DTWD2: variants seen among roughly 807,000 people sequenced by gnomAD.
DTWD2 encodes DTW motif tRNA-uridine aminocarboxypropyltransferase 2, also known as tRNA-uridine aminocarboxypropyltransferase 2.
A neutral mutation model predicts 31.8 loss-of-function variants in DTWD2; 39 were observed. That is an observed-to-expected ratio of 1.22 (90% confidence interval 0.95 to 1.60). The LOEUF is 1.60. DTWD2 is among the 40% of genes most tolerant of loss of function. The probability of loss-of-function intolerance (pLI) is 0.00; values close to 1 mark genes in which losing one functional copy is unlikely to be tolerated. For synonymous variants in DTWD2, 180 were observed against 142.8 expected (o/e 1.26, Z -1.86); for missense variants, 515 against 381.5 (o/e 1.35, Z -2.92).
At chr5:118,982,686 C>CTTTTTT (rs56102830) in intron 1 of DTWD2, among the ~76,000 whole-genome samples, 23 of 121,134 alleles carry the variant, frequency 1.9e-4, no homozygotes, top group South Asian at 2.7e-4. Context: ...AGTTTGTTTT[C>CTTTTTT]TTTTTTTTTT....
intron 4 of DTWD2, among the ~76,000 whole-genome samples, chr5:118,856,834 G>A (rs1019208836): frequency 1.1e-4 from 15 of 134,262 alleles, no homozygotes; most frequent in African/African-American, 3.9e-4. Flanking sequence ...GTACAATGGC[G>A]CAATCTCAGC....
At chr5:118,934,658 T>C (rs1753997908) in intron 3 of DTWD2, among the ~76,000 whole-genome samples, 3 of 151,780 alleles carry the variant, frequency 2.0e-5, no homozygotes. Context: ...GAACAAAAGA[T>C]CAAATAACTG....
At chr5:118,955,629 A>T (rs907275960) in intron 1 of DTWD2, among the ~76,000 whole-genome samples, 1 of 152,184 alleles carries the variant, frequency 6.6e-6, no homozygotes, top group South Asian at 2.1e-4. Flanking sequence ...TCACTGTGCC[A>T]GAAATAATTT....
At chr5:118,985,132 C>G (rs1177697457) in intron 1 of DTWD2, among the ~76,000 whole-genome samples, 1 of 151,982 alleles carries the variant, frequency 6.6e-6, no homozygotes. Flanking sequence ...TCTCACCACT[C>G]CCTCCCTTCT....
chr5:118,852,317 G>C (rs1752028653), intron 4 of DTWD2, among the ~76,000 whole-genome samples: 1 of 152,164 alleles, frequency 6.6e-6, no homozygotes, highest in African/African-American at 2.4e-5. Flanking sequence ...ACAGAGTCCT[G>C]ACGTGATGTA....
At chr5:118,869,004 T>G (rs965201722) in intron 4 of DTWD2, among the ~76,000 whole-genome samples, 1 of 151,870 alleles carries the variant, frequency 6.6e-6, no homozygotes, top group Non-Finnish European at 1.5e-5. Context: ...GAGTCAAAGT[T>G]ATAGAGAAAG....
At chr5:118,916,679 A>AG (rs1294321792) in intron 4 of DTWD2, among the ~76,000 whole-genome samples, 1 of 152,028 alleles carries the variant, frequency 6.6e-6, no homozygotes, top group East Asian at 1.9e-4. Context: ...AAAAAAAAAA[A>AG]AAGACATTAA....
At chr5:118,984,555 C>T (rs181046714) in intron 1 of DTWD2, among the ~76,000 whole-genome samples, 2 of 151,912 alleles carry the variant, frequency 1.3e-5, no homozygotes, top group East Asian at 3.9e-4. Flanking sequence ...ATGTGCCTGG[C>T]AGATGGCTGG....
chr5:118,859,234 C>T (rs1220561622), intron 4 of DTWD2, among the ~76,000 whole-genome samples: 1 of 151,276 alleles, frequency 6.6e-6, no homozygotes, highest in Non-Finnish European at 1.5e-5. Flanking sequence ...CTTCAAGTAC[C>T]TGGTAACACT....
chr5:118,901,715 A>C (rs149969921), intron 4 of DTWD2, among the ~76,000 whole-genome samples: 36 of 152,330 alleles, frequency 2.4e-4, no homozygotes, highest in African/African-American at 8.2e-4. Flanking sequence ...CTAACTATCC[A>C]TAAAGTAGAT....
At chr5:118,947,993 T>A (rs1174879279) in intron 1 of DTWD2, among the ~76,000 whole-genome samples, 1 of 152,210 alleles carries the variant, frequency 6.6e-6, no homozygotes, top group Non-Finnish European at 1.5e-5. Context: ...CATAACACAT[T>A]TGATGAATGA....
intron 3 of DTWD2, among the ~76,000 whole-genome samples, chr5:118,934,006 T>A (rs1345128587): frequency 6.6e-6 from 1 of 150,564 alleles, no homozygotes; most frequent in African/African-American, 2.4e-5. Flanking sequence ...CTTTCCCACA[T>A]ACTAGCAACA....
intron 1 of DTWD2, among the ~76,000 whole-genome samples, chr5:118,967,605 T>G (rs1041244006): frequency 1.3e-5 from 2 of 151,994 alleles, no homozygotes; most frequent in African/African-American, 4.8e-5. Flanking sequence ...AGGGAACAAT[T>G]TGAGCAATAA....
chr5:118,839,756 A>G lies in DTWD2; in HGVS notation c.*1161T>C, dbSNP rs1172946782. Reference sequence around the variant, plus strand: ...TTTCTGCATAGTTTCCCCAAATATTAGCATTCTAATTGTGACCAGCATTAT... The same window carrying G: ...TTTCTGCATAGTTTCCCCAAATATTGGCATTCTAATTGTGACCAGCATTAT... On this transcript the variant is annotated 3_prime_UTR_variant, in exon 6 of 6. Transcript: ENST00000510708. 6.6e-6 allele frequency: 1 copy of G among 152,252 alleles called. No individual in the cohort carries two copies. Among genetic ancestry groups the G allele is most frequent in the African/African-American group, 2.4e-5 (1 of 41,460 alleles). 9.4% of individuals were successfully genotyped at this position (152,252 alleles called of 1,614,324 possible).
chr5:118,846,659 G>A (rs1439341640), intron 5 of DTWD2, among the ~76,000 whole-genome samples: 1 of 152,102 alleles, frequency 6.6e-6, no homozygotes. Flanking sequence ...CCTGTGAAAA[G>A]TGTGTATGTA....
intron 1 of DTWD2, among the ~76,000 whole-genome samples, chr5:118,971,956 G>GT (rs1366921087): frequency 1.3e-5 from 2 of 152,206 alleles, no homozygotes; most frequent in Admixed American, 1.3e-4. Flanking sequence ...CAGAATCTCT[G>GT]TAACACTGCA....
chr5:118,931,242 A>C (rs1753915996), intron 3 of DTWD2, among the ~76,000 whole-genome samples: 1 of 152,030 alleles, frequency 6.6e-6, no homozygotes, highest in South Asian at 2.1e-4. Context: ...AAAATGTTTA[A>C]AAATCAGCCA....
intron 4 of DTWD2, among the ~76,000 whole-genome samples, chr5:118,884,278 A>C (rs182244245): frequency 6.6e-6 from 1 of 152,208 alleles, no homozygotes; most frequent in Non-Finnish European, 1.5e-5. Context: ...GAACAATACT[A>C]AATTCTTCAC....
chr5:118,922,208 G>A (rs1753719325), intron 4 of DTWD2, among the ~76,000 whole-genome samples: 1 of 152,132 alleles, frequency 6.6e-6, no homozygotes, highest in Non-Finnish European at 1.5e-5. Flanking sequence ...TTAAAAGGAG[G>A]CCAAGTTAAT....
Sources: allele counts gnomAD v4.1 joint callset (sites outside exome capture counted in the v4.1 genomes callset), GRCh38; gene constraint gnomAD v4.1.1; transcripts MANE v1.5; gene names NCBI Gene and HGNC (gene_info 2026-07-23, HGNC 2026-07-21).